Variants in PEPD observed in about 807,000 individuals in gnomAD.
PEPD encodes the protein peptidase D.
In PEPD, 53 loss-of-function variants were observed where a neutral mutation model predicts 60.7. The ratio of observed to expected loss-of-function variants is 0.87; its 90% CI spans 0.70 to 1.10. The LOEUF (loss-of-function observed/expected upper bound fraction) is 1.10, where lower values mean the gene tolerates loss of function less well. PEPD is among the 50% of genes least tolerant of loss of function. PEPD has a pLI of 0.00. For missense variants in PEPD, 711 were observed against 711.9 expected (o/e 1.00, Z 0.01); for synonymous variants, 267 against 284.1 (o/e 0.94, Z 0.60).
chr19:33,391,567 C>T (rs754362435), intron 12 of PEPD, 88 bp from the exon 13 acceptor site: 9 of 1,240,224 alleles, frequency 7.3e-6, no homozygotes, highest in Non-Finnish European at 9.1e-6. Flanking sequence ...AGCCCTCACA[C>T]TGGCTGTGGT....
chr19:33,489,330 C>T (rs1970453994), intron 6 of PEPD, among the ~76,000 whole-genome samples: 1 of 152,058 alleles, frequency 6.6e-6, no homozygotes, highest in Non-Finnish European at 1.5e-5. Flanking sequence ...ATGGCTGGGA[C>T]TAAGAGAGGG....
chr19:33,415,511 AAATC>A (rs764289944), intron 9 of PEPD, among the ~76,000 whole-genome samples: 9 of 152,150 alleles, frequency 5.9e-5, no homozygotes, highest in Non-Finnish European at 1.0e-4. Flanking sequence ...AGCTCTCAAA[AAATC>A]AATCAATCAA....
chr19:33,419,535 C>T (rs570184836), intron 9 of PEPD, among the ~76,000 whole-genome samples: 4 of 152,308 alleles, frequency 2.6e-5, no homozygotes, highest in African/African-American at 4.8e-5. Flanking sequence ...TGTTCGGGCT[C>T]GGAGTCCACG....
intron 9 of PEPD, among the ~76,000 whole-genome samples, chr19:33,447,710 C>T (rs980205714): frequency 6.6e-6 from 1 of 152,208 alleles, no homozygotes; most frequent in African/African-American, 2.4e-5. Flanking sequence ...TCCTGCTCAG[C>T]CACCCCCAAG....
rs1168239074 is a variant in PEPD at position 33,391,262 on chromosome 19, G to A, written c.1152+33C>T. On this transcript the variant is annotated intron_variant, in intron 13 of 14. Coordinates refer to ENST00000244137, the MANE Select transcript of PEPD (RefSeq NM_000285.4). ...GGTCAGGCTCAGCGGCAGCTGATGG[G>A]CAGGCCACTCCGCCTGCCATGTCCA... 3.8e-6 allele frequency: 6 copies of A among 1,564,810 alleles called. No individual in the cohort carries two copies. In the Admixed American group the frequency reaches 6.9e-5, roughly 18 times the overall value.
chr19:33,515,499 G>A (rs951186848), intron 1 of PEPD, among the ~76,000 whole-genome samples: 2 of 151,986 alleles, frequency 1.3e-5, no homozygotes, highest in East Asian at 3.9e-4. Flanking sequence ...ATCCCAGATG[G>A]CCATGCTGTC....
rs977115126 is a variant in PEPD, at chr19:33,462,887, C to T, written c.671+108G>A. ...ATCCTGAAGCCCTGTTCATAATCTC[C>T]GCTCACGGTGTGTGTGCCACTGCGG... is the stretch of plus-strand genomic sequence containing the variant. On this transcript the variant is annotated intron_variant, in intron 9 of 14. Coordinates refer to ENST00000244137, the MANE Select transcript of PEPD (RefSeq NM_000285.4). 14 of 792,100 alleles carry T rather than the reference C, an allele frequency of 1.8e-5. 1 individual carries two copies. Among genetic ancestry groups the T allele is most frequent in the African/African-American group, 8.4e-5 (5 of 59,324 alleles). 49.1% of individuals were successfully genotyped at this position (792,100 alleles called of 1,614,324 possible). A position where few individuals can be genotyped will look rare whatever the true frequency, so the allele number is the denominator to read the frequency against.
chr19:33,456,898 C>G (rs931252602), intron 9 of PEPD, among the ~76,000 whole-genome samples: 1 of 151,784 alleles, frequency 6.6e-6, no homozygotes, highest in African/African-American at 2.4e-5. Flanking sequence ...TCTCCAGGAC[C>G]TCCCGGAGGA....
chr19:33,511,098 C>G lies in PEPD; in HGVS notation c.259G>C (p.Asp87His), dbSNP rs201865747. Reference sequence around the variant, plus strand: ...AGGGTCGACTTCCCAGTGTCAACATCGATGACACCATAGCAGCCTGGCTCA... The same window carrying G: ...AGGGTCGACTTCCCAGTGTCAACATGGATGACACCATAGCAGCCTGGCTCA... ...VTEPGCYGVI[D>H]VDTGKSTLFV... is the part of the protein sequence containing the mutation. Residue 87 changes from aspartate (D) to histidine (H), a missense_variant, in exon 3 of 15, where the codon GAT becomes CAT. Transcript: ENST00000244137. 1.7e-5 allele frequency: 28 copies of G among 1,612,982 alleles called. No homozygotes were observed. The South Asian group carries it at 3.1e-4, about 18-fold the overall frequency.
At chr19:33,470,416 C>T (rs559251439) in intron 7 of PEPD, among the ~76,000 whole-genome samples, 15 of 152,188 alleles carry the variant, frequency 9.9e-5, no homozygotes, top group Non-Finnish European at 1.9e-4. Flanking sequence ...CTCCCAGCCT[C>T]CTCCCTCCTC....
At chr19:33,521,676 G>A in intron 1 of PEPD, 68 bp downstream of exon 1, 1 of 1,503,174 alleles carries the variant, frequency 6.7e-7, no homozygotes, top group Non-Finnish European at 9.0e-7. Context: ...TCTCACCCGC[G>A]GTCCGGCCGG....
At position 33,496,323 on chromosome 19, in the gene PEPD, C is replaced by T. The variant is rs940951928; in HGVS notation, c.394-2986G>A. On this transcript the variant is annotated intron_variant, in intron 4 of 14. Coordinates refer to ENST00000244137, the MANE Select transcript of PEPD (RefSeq NM_000285.4). The stretch of plus-strand genomic sequence containing the variant: ...GAATAATGGAGGAGGGGAGAGCAGC[C>T]GTCTCCTTGCAGCCCGGTGCTCAGA... Among the ~76,000 whole-genome samples, 6 of 152,114 alleles carry T rather than the reference C, an allele frequency of 3.9e-5. No homozygotes were observed. In the East Asian group the frequency reaches 9.6e-4, roughly 24 times the overall value.
intron 9 of PEPD, among the ~76,000 whole-genome samples, chr19:33,446,450 G>A (rs780798332): frequency 1.6e-4 from 24 of 152,320 alleles, no homozygotes; most frequent in South Asian, 2.1e-4. Flanking sequence ...AGACCCACCC[G>A]GGCACGTGGA....
intron 3 of PEPD, among the ~76,000 whole-genome samples, chr19:33,502,025 C>T (rs749919898): frequency 2.6e-5 from 4 of 152,186 alleles, no homozygotes; most frequent in Non-Finnish European, 5.9e-5. Flanking sequence ...CCTTTGGTCA[C>T]AGCTGTGCTA....
chr19:33,414,576 C>G (rs1968847894), intron 9 of PEPD, among the ~76,000 whole-genome samples: 1 of 152,050 alleles, frequency 6.6e-6, no homozygotes, highest in South Asian at 2.1e-4. Context: ...GAGACAGGCC[C>G]AGGTGGCCCC....
intron 11 of PEPD, among the ~76,000 whole-genome samples, chr19:33,410,640 G>T (rs532907888): frequency 1.3e-5 from 2 of 151,960 alleles, no homozygotes; most frequent in African/African-American, 4.8e-5. Context: ...CCAGCTGGGC[G>T]CCACGCAGGC....
At chr19:33,419,228 T>C (rs938049284) in intron 9 of PEPD, among the ~76,000 whole-genome samples, 13 of 152,270 alleles carry the variant, frequency 8.5e-5, no homozygotes, top group Admixed American at 8.5e-4. Context: ...GTCACACTCC[T>C]GGAGCCCCAC....
At chr19:33,476,366 C>T (rs1970214838) in intron 7 of PEPD, among the ~76,000 whole-genome samples, 1 of 152,192 alleles carries the variant, frequency 6.6e-6, no homozygotes, top group South Asian at 2.1e-4. Context: ...CAACACACCC[C>T]AAGTCCCAGA....
intron 9 of PEPD, among the ~76,000 whole-genome samples, chr19:33,452,779 C>G (rs1355944239): frequency 1.3e-5 from 2 of 152,126 alleles, no homozygotes; most frequent in Admixed American, 1.3e-4. Context: ...ATAGGAAAAT[C>G]TGAAAAGTTA....
Sources: allele counts gnomAD v4.1 joint callset (sites outside exome capture counted in the v4.1 genomes callset), GRCh38; gene constraint gnomAD v4.1.1; transcripts MANE v1.5; gene names NCBI Gene and HGNC (gene_info 2026-07-23, HGNC 2026-07-21).